The following DMWD variants were observed in gnomAD, a reference collection of about 807,000 sequenced individuals.
The protein encoded by DMWD is dystrophia myotonica WD repeat-containing protein.
Under a neutral mutation model 45.8 loss-of-function variants are expected in DMWD, and 19 were observed. The ratio of observed to expected loss-of-function variants is 0.41; its 90% CI spans 0.29 to 0.61. DMWD has a LOEUF of 0.61. Ranked by LOEUF, DMWD falls within the 20% of genes least tolerant of loss-of-function variation. The pLI is 0.25. For synonymous variants in DMWD, 515 were observed against 440.5 expected (o/e 1.17, Z -2.12); for missense variants, 802 against 965.2 (o/e 0.83, Z 2.24).
In DMWD at chr19:45,785,622, A is replaced by C. The variant is rs1970259587; in HGVS notation, c.1874T>G (p.Ile625Ser). Reference protein sequence around the residue: ...CIITACQEGLICTWARPGKAF... With the variant: ...CIITACQEGLSCTWARPGKAF... ...CTTGCCCGGCCGGGCCCAGGTGCAG[A>C]TGAGGCCCTCCTGGCAGGCAGTGAT... The change falls in exon 3 of 5, where the codon ATC becomes AGC. Residue 625 changes from isoleucine (I) to serine (S), a missense_variant. Ile to Ser is a moderately radical substitution (Grantham distance 142, BLOSUM62 -2). This residue lies in a region of DMWD where 303 missense variants were observed against 332.9 expected (regional missense o/e 0.91). Transcript: ENST00000270223. 6.5e-7 allele frequency: 1 copy of C among 1,531,090 alleles called. No homozygotes were observed. The allele number at this position is 1,531,090 out of a possible 1,614,324, so 94.8% of individuals were successfully genotyped here.
Position 45,792,629 on chromosome 19 carries a change from C to A in DMWD, c.128G>T (p.Arg43Leu). 1 of 1,332,604 alleles carries A rather than the reference C, an allele frequency of 7.5e-7. No individual in the cohort carries two copies. Among genetic ancestry groups the A allele is most frequent in the Non-Finnish European group, 9.8e-7 (1 of 1,025,606 alleles). The allele number at this position is 1,332,604 out of a possible 1,614,324, so 82.5% of individuals were successfully genotyped here. The change falls in exon 1 of 5, where the codon CGC becomes CTC. Residue 43 changes from arginine to leucine, a missense_variant. Physicochemically the swap from Arg to Leu is moderately radical, Grantham distance 102. This residue lies in a region of DMWD where 151 missense variants were observed against 128.1 expected (regional missense o/e 1.18). Transcript: ENST00000270223. Reference sequence around the variant, plus strand: ...CTGGGCGGAAGCCGGACCCGACCTGCGAGCGGCGCCGTCGCCCGGGAGTAG... The same window carrying A: ...CTGGGCGGAAGCCGGACCCGACCTGAGAGCGGCGCCGTCGCCCGGGAGTAG... The part of the protein sequence containing the change: ...YKLLPGDGAA[R>L]RSGPASAQTP...
rs576804249 is a variant in DMWD, at chr19:45,792,765, C to G, written c.-9G>C. On this transcript the variant is annotated 5_prime_UTR_variant, in exon 1 of 5. Transcript: ENST00000270223. ...GCGCCGCCCGCCGCCATCTTGGGCGCCCCCCGGGCCCCGCCACTGCCGGAC... is the reference window on the plus strand; with the variant it reads ...GCGCCGCCCGCCGCCATCTTGGGCGGCCCCCGGGCCCCGCCACTGCCGGAC... 3 of 1,119,314 alleles carry G rather than the reference C, an allele frequency of 2.7e-6. No individual in the cohort carries two copies. The highest frequency in any genetic ancestry group is 3.3e-6 in the Non-Finnish European group (3 of 916,228). The allele number at this position is 1,119,314 out of a possible 1,614,324, so 69.3% of individuals were successfully genotyped here. A position where few individuals can be genotyped will look rare whatever the true frequency, so the allele number is the denominator to read the frequency against.
At chr19:45,784,531 T>A in intron 4 of DMWD, 110 bp downstream of exon 4, 1 of 1,537,988 alleles carries the variant, frequency 6.5e-7, no homozygotes, top group Non-Finnish European at 8.8e-7. Context: ...GGATCCTGAG[T>A]GAGACCATGG....
chr19:45,792,639 C>T lies in DMWD; in HGVS notation c.118G>A (p.Gly40Ser). The T allele has an allele frequency of 7.5e-7, 1 of 1,334,166 alleles. No individual in the cohort carries two copies. The highest frequency in any genetic ancestry group is 9.7e-7 in the Non-Finnish European group (1 of 1,026,514). The allele number at this position is 1,334,166 out of a possible 1,614,324, so 82.6% of individuals were successfully genotyped here. The change falls in exon 1 of 5, where the codon GGC becomes AGC. Residue 40 changes from glycine to serine, a missense_variant. Transcript: ENST00000270223. ...EGFYKLLPGD[G>S]AARRSGPASA... ...GCCGGACCCGACCTGCGAGCGGCGCCGTCGCCCGGGAGTAGCTTGTAGAAA... is the reference window on the plus strand; with the variant it reads ...GCCGGACCCGACCTGCGAGCGGCGCTGTCGCCCGGGAGTAGCTTGTAGAAA...
At chr19:45,784,447 G>C in intron 4 of DMWD, 157 bp from the exon 5 acceptor site, 1 of 1,258,028 alleles carries the variant, frequency 7.9e-7, no homozygotes, top group Non-Finnish European at 1.1e-6. Context: ...ACTGCTCTAG[G>C]CTGGGAACTT....
Position 45,786,127 on chromosome 19 carries a change from C to T in DMWD, c.1369G>A (p.Ala457Thr). 1 of 1,532,330 alleles carries T rather than the reference C, an allele frequency of 6.5e-7. No homozygotes were observed. The allele number at this position is 1,532,330 out of a possible 1,614,324, so 94.9% of individuals were successfully genotyped here. A position where few individuals can be genotyped will look rare whatever the true frequency, so the allele number is the denominator to read the frequency against. Residue 457 changes from alanine (A) to threonine (T), a missense_variant, in exon 3 of 5, where the codon GCC (alanine) becomes ACC (threonine). Transcript: ENST00000270223. Reference protein sequence around the residue: ...EDVLYPHPPLARTRTLPGTPG... With the variant: ...EDVLYPHPPLTRTRTLPGTPG... ...GTGCCAGGGAGGGTGCGGGTGCGGG[C>T]CAGGGGGGGGTGCGGGTAGAGCACG...
Position 45,792,734 on chromosome 19 carries a change from C to A in DMWD, c.23G>T (p.Gly8Val), listed in dbSNP as rs751507917. ...CATGGCGGCGCCGGGGCCCGAGCCG[C>A]CCTCCGCGCCGCCCGCCGCCATCTT... MAAGGAE[G>V]GSGPGAAMGD... is the part of the protein sequence containing the mutation. The change falls in exon 1 of 5, where the codon GGC becomes GTC. Residue 8 changes from glycine (G) to valine (V), a missense_variant. Gly to Val is a moderately radical substitution (Grantham distance 109). This residue lies in a region of DMWD where 151 missense variants were observed against 128.1 expected (regional missense o/e 1.18). Transcript: ENST00000270223. 2.6e-6 allele frequency: 3 copies of A among 1,155,712 alleles called. No individual in the cohort carries two copies. Among genetic ancestry groups the A allele is most frequent in the Middle Eastern group, 2.7e-4 (1 of 3,646 alleles). 71.6% of individuals were successfully genotyped at this position (1,155,712 alleles called of 1,614,324 possible). A position where few individuals can be genotyped will look rare whatever the true frequency, so the allele number is the denominator to read the frequency against.
intron 3 of DMWD, chr19:45,785,275 T>G: frequency 8.8e-7 from 1 of 1,131,484 alleles, no homozygotes; most frequent in Admixed American, 4.8e-5. Flanking sequence ...CAGAAATAGA[T>G]TCTGGTTCGA....
chr19:45,787,119 T>C (rs1568592764), intron 2 of DMWD: 2 of 630,328 alleles, frequency 3.2e-6, no homozygotes, highest in South Asian at 2.0e-5. Context: ...GGAGCCTCGA[T>C]GTCCCATCTT....
rs780390356 is a variant in DMWD, at chr19:45,786,222, C to A, written c.1274G>T (p.Gly425Val). Residue 425 changes from glycine (G) to valine (V), a missense_variant, in exon 3 of 5, where the codon GGC becomes GTC. Transcript: ENST00000270223. ...GAPLSPLPKA[G>V]SITYRFGSAG... Reference sequence around the variant, plus strand: ...CGAGCCAAAGCGGTAAGTAATGGAGCCAGCCTTGGGCAGTGGAGAGAGCGG... The same window carrying A: ...CGAGCCAAAGCGGTAAGTAATGGAGACAGCCTTGGGCAGTGGAGAGAGCGG... The A allele has an allele frequency of 1.5e-5, 24 of 1,611,310 alleles. No individual in the cohort carries two copies. The East Asian group carries it at 5.1e-4, about 34-fold the overall frequency.
chr19:45,786,092 GGTGCCAGGT>G lies in DMWD; in HGVS notation c.1395_1403del (p.Pro466_Thr468del), dbSNP rs1164041852. The G allele has an allele frequency of 6.6e-7, 1 of 1,520,428 alleles. No individual in the cohort carries two copies. 94.2% of individuals were successfully genotyped at this position (1,520,428 alleles called of 1,614,324 possible). A position where few individuals can be genotyped will look rare whatever the true frequency, so the allele number is the denominator to read the frequency against. On this transcript the variant is annotated inframe_deletion, in exon 3 of 5. Transcript: ENST00000270223. ...TCGAGCTGCTGGCGGCCGGTGGCGT[GGTGCCAGGT>G]GTGCCAGGGAGGGTGCGGGTGCGGG...
chr19:45,786,913 A>C (rs1448464060), intron 2 of DMWD, 42 bp from the exon 3 acceptor site: 7 of 1,580,662 alleles, frequency 4.4e-6, no homozygotes, highest in Non-Finnish European at 6.0e-6. Context: ...AGGCAGTAAA[A>C]CCCAGGCAGA....
chr19:45,784,219 T>TG lies in DMWD; in HGVS notation c.*23dup, dbSNP rs754797001. On this transcript the variant is annotated 3_prime_UTR_variant, in exon 5 of 5. Coordinates refer to ENST00000270223, the MANE Select transcript of DMWD (RefSeq NM_004943.2). ...GGCTAGGAGGCTGGGGGCATGGGGT[T>TG]GGGGGGGCCCGATATCCATGGCTTC... The TG allele has an allele frequency of 3.2e-5, 39 of 1,203,840 alleles. No homozygotes were observed. In the East Asian group the frequency reaches 5.2e-4, roughly 16 times the overall value. The allele number at this position is 1,203,840 out of a possible 1,614,324, so 74.6% of individuals were successfully genotyped here. A position where few individuals can be genotyped will look rare whatever the true frequency, so the allele number is the denominator to read the frequency against.
intron 1 of DMWD, 93 bp from the exon 2 acceptor site, chr19:45,791,180 G>C: frequency 7.4e-7 from 1 of 1,349,024 alleles, no homozygotes; most frequent in Non-Finnish European, 1.0e-6. Flanking sequence ...AGAGGAAGCA[G>C]GGTTAGAACC....
rs985350170 is a variant in DMWD at position 45,783,223 on chromosome 19, G to C, written c.*1020C>G. On this transcript the variant is annotated 3_prime_UTR_variant, in exon 5 of 5. Coordinates refer to ENST00000270223, the MANE Select transcript of DMWD (RefSeq NM_004943.2). Reference sequence around the variant, plus strand: ...ATTAGAAACAGAAACATTTCGGGGGGTGGAGGGTGGCGCGGGAAGACACAC... The same window carrying C: ...ATTAGAAACAGAAACATTTCGGGGGCTGGAGGGTGGCGCGGGAAGACACAC... The C allele has an allele frequency of 5.1e-6, 1 of 197,554 alleles. No homozygotes were observed. The allele number at this position is 197,554 out of a possible 1,614,324, so 12.2% of individuals were successfully genotyped here.
At chr19:45,786,948 A>C (rs1344852180) in intron 2 of DMWD, 77 bp from the exon 3 acceptor site, 1 of 1,534,322 alleles carries the variant, frequency 6.5e-7, no homozygotes, top group Non-Finnish European at 8.8e-7. Flanking sequence ...CAAAGTCCCC[A>C]AGAAGGCCGT....
intron 4 of DMWD, 151 bp from the exon 5 acceptor site, chr19:45,784,441 C>G: frequency 8.0e-7 from 1 of 1,255,034 alleles, no homozygotes. Flanking sequence ...GAGGCCACTG[C>G]TCTAGGCTGG....
chr19:45,783,525 C>T lies in DMWD; in HGVS notation c.*718G>A. 2 of 398,596 alleles carry T rather than the reference C, an allele frequency of 5.0e-6. No individual in the cohort carries two copies. The highest frequency in any genetic ancestry group is 8.8e-6 in the Non-Finnish European group (2 of 226,106). 24.7% of individuals were successfully genotyped at this position (398,596 alleles called of 1,614,324 possible). On this transcript the variant is annotated 3_prime_UTR_variant, in exon 5 of 5. Coordinates refer to ENST00000270223, the MANE Select transcript of DMWD (RefSeq NM_004943.2). ...CTCTTCTCCCCAAGAGGGTCCTGCTCCAGCCGCTGGTGTGGGTCACCAGTT... is the reference window on the plus strand; with the variant it reads ...CTCTTCTCCCCAAGAGGGTCCTGCTTCAGCCGCTGGTGTGGGTCACCAGTT...
rs139565788 is a variant in DMWD, at chr19:45,784,439, T to C, written c.1978-149A>G. The C allele has an allele frequency of 2.9e-4, 355 of 1,230,798 alleles. 3 individuals are homozygous for C. Among genetic ancestry groups the C allele is most frequent in the Admixed American group, 5.3e-5 (2 of 37,386 alleles). The allele number at this position is 1,230,798 out of a possible 1,614,324, so 76.2% of individuals were successfully genotyped here. Reference sequence around the variant, plus strand: ...CCGCCCTAGACCCCCCAGAGGCCACTGCTCTAGGCTGGGAACTTGCATCTT... The same window carrying C: ...CCGCCCTAGACCCCCCAGAGGCCACCGCTCTAGGCTGGGAACTTGCATCTT... On this transcript the variant is annotated intron_variant, in intron 4 of 4. Coordinates refer to ENST00000270223, the MANE Select transcript of DMWD (RefSeq NM_004943.2).
Sources: gnomAD v4.1 joint callset for allele counts on GRCh38, gnomAD v4.1.1 for gene constraint, gnomAD v4.1.1 regional missense constraint, MANE v1.5 for transcripts, NCBI Gene and HGNC (gene_info 2026-07-23, HGNC 2026-07-21) for gene names.